TBC1D8B: variants seen among roughly 807,000 people sequenced by gnomAD.
TBC1D8B encodes TBC1 domain family member 8B.
TBC1D8B carries 75 observed loss-of-function variants against 82.9 expected under a neutral mutation model. That is an observed-to-expected ratio of 0.90 (90% CI 0.75 to 1.10). The LOEUF is 1.10. Among genes scored for constraint, TBC1D8B ranks in the 50% least tolerant of loss-of-function variants. TBC1D8B has a pLI of 0.00. For missense variants in TBC1D8B, 794 were observed against 796.9 expected, an observed-to-expected ratio of 1.00 and a Z score of 0.04; for synonymous variants, 276 against 276.8, an observed-to-expected ratio of 1.00 and a Z score of 0.03.
At chrX:106,854,121 C>A in intron 13 of TBC1D8B, 77 bp from the exon 14 acceptor site, 2 of 689,657 alleles carry the variant, frequency 2.9e-6, no homozygotes, top group Middle Eastern at 4.4e-4. Flanking sequence ...AGAATTCAGT[C>A]TGATAAAACT....
rs746702936 is a variant in TBC1D8B at position 106,869,580 on chromosome X, T to A, written c.2869+39T>A. ...GGAGTTATCATTTAATTTATTTAGT[T>A]ATTTTTATGTAAATAAGGATAGCTA... On this transcript the variant is annotated intron_variant, in intron 19 of 20. Transcript: ENST00000357242. The A allele has an allele frequency of 2.0e-5, 22 of 1,075,919 alleles. No individual in the cohort carries two copies. The African/African-American group carries it at 3.9e-4, about 19-fold the overall frequency. 88.7% of individuals were successfully genotyped at this position (1,075,919 alleles called of 1,213,427 possible). A position where few individuals can be genotyped will look rare whatever the true frequency, so the allele number is the denominator to read the frequency against.
chrX:106,836,254 T>G (rs1932172877), intron 7 of TBC1D8B, among the ~76,000 whole-genome samples: 1 of 111,411 alleles, frequency 9.0e-6, no homozygotes, highest in African/African-American at 3.3e-5. Flanking sequence ...TATAAAACCA[T>G]CAGATCTCTT....
At chrX:106,854,130 C>G in intron 13 of TBC1D8B, 68 bp from the exon 14 acceptor site, 2 of 781,446 alleles carry the variant, frequency 2.6e-6, no homozygotes, top group Non-Finnish European at 3.6e-6. Context: ...TCTGATAAAA[C>G]TGAATTGTAA....
chrX:106,804,718 C>T (rs1236041973), intron 1 of TBC1D8B, among the ~76,000 whole-genome samples: 1 of 110,329 alleles, frequency 9.1e-6, no homozygotes, highest in Non-Finnish European at 1.9e-5. Flanking sequence ...GCCTGGACAA[C>T]ATGGCGAAAC....
intron 1 of TBC1D8B, among the ~76,000 whole-genome samples, chrX:106,807,282 C>G (rs1037918014): frequency 3.7e-5 from 4 of 108,175 alleles, no homozygotes; most frequent in Non-Finnish European, 5.7e-5. Context: ...AAAGAAAATC[C>G]CATGGGGCAA....
In TBC1D8B at chrX:106,853,604, G is replaced by T. The variant is rs1932637213; in HGVS notation, c.2207G>T (p.Ser736Ile). 1 of 1,209,306 alleles carries T rather than the reference G, an allele frequency of 8.3e-7. No individual in the cohort carries two copies. Among genetic ancestry groups the T allele is most frequent in the African/African-American group, 1.7e-5 (1 of 57,733 alleles). Residue 736 changes from serine (S) to isoleucine (I), a missense_variant, in exon 13 of 21, where the codon AGT becomes ATT. By Grantham distance (142) the Ser-to-Ile change is moderately radical. Transcript: ENST00000357242. ...TCAAATGTGAGTGATGAAAAAACCA[G>T]TCATACTAGAGTGGATATTACAGAT... The part of the protein sequence containing the change: ...QGSNVSDEKT[S>I]HTRVDITDLI...
At chrX:106,861,061 A>T (rs1328429140) in intron 14 of TBC1D8B, among the ~76,000 whole-genome samples, 3 of 111,760 alleles carry the variant, frequency 2.7e-5, no homozygotes, top group Admixed American at 9.5e-5. Context: ...ATTTATTTTC[A>T]TTTTTATTAT....
At chrX:106,839,563 A>G in intron 8 of TBC1D8B, 106 bp downstream of exon 8, 2 of 850,397 alleles carry the variant, frequency 2.4e-6, no homozygotes, top group Non-Finnish European at 3.2e-6. Context: ...TTCTTTTGGG[A>G]CTTGAAAAGT....
chrX:106,843,196 G>A (rs1403556277), intron 10 of TBC1D8B, among the ~76,000 whole-genome samples: 1 of 111,177 alleles, frequency 9.0e-6, no homozygotes, highest in African/African-American at 3.3e-5. Context: ...TATTCTTGTG[G>A]GTAAATATCT....
chrX:106,849,279 A>T (rs1224371428), intron 11 of TBC1D8B: 13 of 1,142,149 alleles, frequency 1.1e-5, no homozygotes, highest in Non-Finnish European at 1.5e-5. Context: ...TAAGAATCCA[A>T]GGACAATGTG....
chrX:106,806,469 A>G (rs2147715612), intron 1 of TBC1D8B, among the ~76,000 whole-genome samples: 1 of 111,911 alleles, frequency 8.9e-6, no homozygotes, highest in East Asian at 2.8e-4. Flanking sequence ...ATTTATGCAT[A>G]TTTGTCTTAT....
chrX:106,805,772 A>G (rs1931168562), intron 1 of TBC1D8B, among the ~76,000 whole-genome samples: 1 of 112,256 alleles, frequency 8.9e-6, no homozygotes, highest in African/African-American at 3.2e-5. Flanking sequence ...CTGTATTCTT[A>G]CTTAAAATCA....
chrX:106,823,920 G>A (rs933199801), intron 5 of TBC1D8B, among the ~76,000 whole-genome samples: 2 of 111,451 alleles, frequency 1.8e-5, no homozygotes, highest in African/African-American at 3.3e-5. Context: ...TAGAATGAAA[G>A]TAGAACAACC....
intron 12 of TBC1D8B, among the ~76,000 whole-genome samples, chrX:106,851,661 G>A (rs1350899345): frequency 1.8e-5 from 2 of 109,749 alleles, no homozygotes; most frequent in African/African-American, 3.3e-5. Context: ...GAGAACATGC[G>A]ATGTTTCATT....
chrX:106,855,775 G>T (rs889534423), intron 14 of TBC1D8B, among the ~76,000 whole-genome samples: 1 of 111,693 alleles, frequency 9.0e-6, no homozygotes, highest in African/African-American at 3.3e-5. Flanking sequence ...ACAGGTCCCT[G>T]CCAAATTATG....
At chrX:106,866,079 A>T in intron 16 of TBC1D8B, 46 bp downstream of exon 16, 1 of 1,148,578 alleles carries the variant, frequency 8.7e-7, no homozygotes, top group Non-Finnish European at 1.2e-6. Context: ...TCCTAGAAAT[A>T]CTTAGTACTG....
intron 12 of TBC1D8B, among the ~76,000 whole-genome samples, chrX:106,852,242 G>A (rs1224136963): frequency 8.9e-5 from 9 of 100,875 alleles, no homozygotes; most frequent in South Asian, 5.0e-4. Context: ...CATGTCCTTC[G>A]CCCACTTTTT....
Position 106,868,429 on chromosome X carries a change from G to C in TBC1D8B, c.2765G>C (p.Gly922Ala), listed in dbSNP as rs1465377390. 1 of 1,004,142 alleles carries C rather than the reference G, an allele frequency of 1.0e-6. No individual in the cohort carries two copies. The allele number at this position is 1,004,142 out of a possible 1,213,427, so 82.8% of individuals were successfully genotyped here. A position where few individuals can be genotyped will look rare whatever the true frequency, so the allele number is the denominator to read the frequency against. Residue 922 changes from glycine to alanine, a missense_variant, in exon 18 of 21, where the codon GGA becomes GCA. Transcript: ENST00000357242. ...GTGAAATCTAAGGATGCTTCAAAAG[G>C]AGATGAACTTTCCAAGGAAGAATTA... is the stretch of plus-strand genomic sequence containing the variant. ...TEVKSKDASK[G>A]DELSKEELLY...
At chrX:106,839,946 A>G in intron 8 of TBC1D8B, 102 bp from the exon 9 acceptor site, 2 of 883,084 alleles carry the variant, frequency 2.3e-6, no homozygotes, top group South Asian at 3.0e-5. Flanking sequence ...TATGTTCTTA[A>G]TTTCTATAGA....
Sources: allele counts gnomAD v4.1 joint callset (sites outside exome capture counted in the v4.1 genomes callset), GRCh38; gene constraint gnomAD v4.1.1; transcripts MANE v1.5; gene names NCBI Gene and HGNC (gene_info 2026-07-23, HGNC 2026-07-21).